The following AFAP1L1 variants were observed in gnomAD, a reference collection of about 807,000 sequenced individuals.
AFAP1L1 encodes the protein actin filament associated protein 1 like 1.
AFAP1L1 carries 77 observed loss-of-function variants against 99.8 expected under a neutral mutation model. The observed-to-expected ratio is 0.77, with a 90% CI of 0.64 to 0.93. AFAP1L1 has a LOEUF of 0.93. AFAP1L1 is among the 40% of genes least tolerant of loss of function. The probability of loss-of-function intolerance (pLI) is 0.00; values close to 1 mark genes in which losing one functional copy is unlikely to be tolerated. For missense variants in AFAP1L1, 893 were observed against 996.8 expected (o/e 0.90, Z 1.40); for synonymous variants, 373 against 395.3 (o/e 0.94, Z 0.67).
chr5:149,314,988 G>A (rs1756752302), intron 9 of AFAP1L1, among the ~76,000 whole-genome samples: 1 of 152,228 alleles, frequency 6.6e-6, no homozygotes, highest in Non-Finnish European at 1.5e-5. Context: ...GCCCTCTGAA[G>A]TGGGTGGAAT....
intron 1 of AFAP1L1, among the ~76,000 whole-genome samples, chr5:149,274,990 C>G (rs1424734962): frequency 6.6e-6 from 1 of 152,084 alleles, no homozygotes; most frequent in African/African-American, 2.4e-5. Flanking sequence ...AAGCACAGGT[C>G]TCATTTCAGC....
At position 149,342,682 on chromosome 5, in the gene AFAP1L1, C is replaced by T. The variant is rs190110725; in HGVS notation, c.*2652C>T. Among the ~76,000 whole-genome samples the T allele has an allele frequency of 8.1e-4, 124 of 152,248 alleles. No individual in the cohort carries two copies. The East Asian group carries it at 0.021, about 26-fold the overall frequency. ...ATCCCAGCACTTTGGGAGGCCGAAG[C>T]GGGTGGATCACTTGAGGTCAGGAGT... On this transcript the variant is annotated 3_prime_UTR_variant, in exon 19 of 19. Transcript: ENST00000296721.
At chr5:149,275,437 T>C (rs1288172887) in intron 1 of AFAP1L1, among the ~76,000 whole-genome samples, 1 of 151,290 alleles carries the variant, frequency 6.6e-6, no homozygotes, top group African/African-American at 2.4e-5. Context: ...GAAAGATCTC[T>C]GGTGTTTCTT....
rs1756893353 is a variant in AFAP1L1, at chr5:149,319,565, T to C, written c.1480-17T>C. ...ACAGTAGGAAAATGAACTCCATCTTTGCCTCCTGTCCTTCAGGCAAGCTGT... is the reference window on the plus strand; with the variant it reads ...ACAGTAGGAAAATGAACTCCATCTTCGCCTCCTGTCCTTCAGGCAAGCTGT... On this transcript the variant is annotated splice_polypyrimidine_tract_variant and intron_variant, in intron 12 of 18. Coordinates refer to ENST00000296721, the MANE Select transcript of AFAP1L1 (RefSeq NM_152406.4). 5 of 1,582,280 alleles carry C rather than the reference T, an allele frequency of 3.2e-6. No individual in the cohort carries two copies. Among genetic ancestry groups the C allele is most frequent in the Non-Finnish European group, 8.6e-7 (1 of 1,161,170 alleles).
chr5:149,329,634 T>G, intron 15 of AFAP1L1, 32 bp from the exon 16 acceptor site: 1 of 1,593,628 alleles, frequency 6.3e-7, no homozygotes, highest in Non-Finnish European at 8.5e-7. Flanking sequence ...AGGTCAGAAC[T>G]GAGGGCCTTT....
chr5:149,300,852 T>G (rs1243081399), intron 3 of AFAP1L1, among the ~76,000 whole-genome samples: 1 of 152,244 alleles, frequency 6.6e-6, no homozygotes, highest in Non-Finnish European at 1.5e-5. Flanking sequence ...GGGAGCACAC[T>G]GTGCCTTTAT....
At chr5:149,272,887 G>C (rs1364714434) in intron 1 of AFAP1L1, among the ~76,000 whole-genome samples, 1 of 152,076 alleles carries the variant, frequency 6.6e-6, no homozygotes, top group Non-Finnish European at 1.5e-5. Flanking sequence ...ATTTTTAACA[G>C]AGACGGGGTT....
intron 1 of AFAP1L1, among the ~76,000 whole-genome samples, chr5:149,297,219 A>G (rs749187755): frequency 6.6e-6 from 1 of 152,214 alleles, no homozygotes; most frequent in Admixed American, 6.5e-5. Flanking sequence ...AGAGGGAAAC[A>G]TATTCATCCA....
intron 1 of AFAP1L1, among the ~76,000 whole-genome samples, chr5:149,291,530 A>G (rs1755856655): frequency 7.5e-6 from 1 of 133,598 alleles, no homozygotes; most frequent in Non-Finnish European, 1.6e-5. Context: ...GTCTCAAAAA[A>G]AAAAAAAAAA....
chr5:149,274,211 A>G (rs914521699), intron 1 of AFAP1L1, among the ~76,000 whole-genome samples: 3 of 152,360 alleles, frequency 2.0e-5, no homozygotes, highest in African/African-American at 7.2e-5. Context: ...TATTGTGATC[A>G]ATCTGCTGAC....
At chr5:149,291,524 C>CAAAAA (rs1229134807) in intron 1 of AFAP1L1, among the ~76,000 whole-genome samples, 27 of 13,304 alleles carry the variant, frequency 2.0e-3, no homozygotes, top group East Asian at 2.9e-3. Flanking sequence ...GACTCCGTCT[C>CAAAAA]AAAAAAAAAA....
In AFAP1L1 at chr5:149,320,525, C is replaced by G. The variant is rs1168778513; in HGVS notation, c.1698+62C>G. On this transcript the variant is annotated intron_variant, in intron 14 of 18. Coordinates refer to ENST00000296721, the MANE Select transcript of AFAP1L1 (RefSeq NM_152406.4). This position sits in a 1 kb window ranked among gnomAD's most constrained non-coding sequence, Gnocchi z 4.0. ...GGCCACTTATTAGCTCTCCCTCTTT[C>G]TGCTCCCTTTACCTTCTGCCTCAGA... The G allele has an allele frequency of 6.8e-7, 1 of 1,462,840 alleles. No homozygotes were observed. Among genetic ancestry groups the G allele is most frequent in the Non-Finnish European group, 9.6e-7 (1 of 1,044,238 alleles). The allele number at this position is 1,462,840 out of a possible 1,614,324, so 90.6% of individuals were successfully genotyped here. A position where few individuals can be genotyped will look rare whatever the true frequency, so the allele number is the denominator to read the frequency against.
At chr5:149,323,674 T>C (rs1413374182) in intron 15 of AFAP1L1, among the ~76,000 whole-genome samples, 1 of 152,250 alleles carries the variant, frequency 6.6e-6, no homozygotes, top group Non-Finnish European at 1.5e-5. Flanking sequence ...AAATCTGTAT[T>C]CCATTCCTCA....
intron 9 of AFAP1L1, among the ~76,000 whole-genome samples, chr5:149,314,484 T>C (rs1302012460): frequency 6.6e-6 from 1 of 152,176 alleles, no homozygotes; most frequent in Non-Finnish European, 1.5e-5. Context: ...CTGTTCTCCA[T>C]AGAATCATGT....
chr5:149,295,137 G>GCCA, intron 1 of AFAP1L1, among the ~76,000 whole-genome samples: 1 of 152,346 alleles, frequency 6.6e-6, no homozygotes, highest in Admixed American at 6.5e-5. Context: ...ATCCGTTCAG[G>GCCA]TCGCAGAAAC....
intron 5 of AFAP1L1, among the ~76,000 whole-genome samples, chr5:149,303,252 G>A (rs1243484070): frequency 2.0e-5 from 3 of 152,122 alleles, no homozygotes; most frequent in Non-Finnish European, 4.4e-5. Flanking sequence ...GTAGGTGGGT[G>A]CAGTAAAATA....
intron 1 of AFAP1L1, among the ~76,000 whole-genome samples, chr5:149,296,157 C>T (rs1037588912): frequency 6.6e-6 from 1 of 152,132 alleles, no homozygotes; most frequent in Non-Finnish European, 1.5e-5. Flanking sequence ...CCCCAGTCTC[C>T]TGAGTAGCTG....
chr5:149,321,076 C>T (rs1756938917), intron 14 of AFAP1L1, among the ~76,000 whole-genome samples: 1 of 152,230 alleles, frequency 6.6e-6, no homozygotes, highest in Non-Finnish European at 1.5e-5. Context: ...TCACAGTTAG[C>T]AGGAGAGAGA....
At chr5:149,306,249 G>A in intron 5 of AFAP1L1, 57 bp from the exon 6 acceptor site, 1 of 1,472,870 alleles carries the variant, frequency 6.8e-7, no homozygotes, top group Non-Finnish European at 9.3e-7. Context: ...CCCCAGTCCT[G>A]GCCCCTGGAG....
Sources: allele counts gnomAD v4.1 joint callset (sites outside exome capture counted in the v4.1 genomes callset), GRCh38; gene constraint gnomAD v4.1.1; non-coding constraint Gnocchi (gnomAD v3.1); transcripts MANE v1.5; gene names NCBI Gene and HGNC (gene_info 2026-07-23, HGNC 2026-07-21).